HERPUD2: variants seen among roughly 807,000 people sequenced by gnomAD.
HERPUD2 encodes the protein homocysteine-responsive endoplasmic reticulum-resident ubiquitin-like domain member 2 protein.
A neutral mutation model predicts 49.9 loss-of-function variants in HERPUD2; 13 were observed. The ratio of observed to expected loss-of-function variants is 0.26; its 90% confidence interval spans 0.17 to 0.41. The LOEUF is 0.41. Ranked by LOEUF, HERPUD2 falls within the 10% of genes least tolerant of loss-of-function variation. The pLI, the probability that HERPUD2 is intolerant of heterozygous loss-of-function variation, is 1.00. For synonymous variants in HERPUD2, 172 were observed against 171.4 expected, an observed-to-expected ratio of 1.00 and a Z score of -0.03; for missense variants, 449 against 492.2, an observed-to-expected ratio of 0.91 and a Z score of 0.83.
In HERPUD2 at chr7:35,633,641, C is replaced by T. The variant is rs1343631084; in HGVS notation, c.*49G>A. The T allele has an allele frequency of 2.6e-6, 4 of 1,553,046 alleles. No individual in the cohort carries two copies. The Admixed American group carries it at 6.0e-5, about 23-fold the overall frequency. On this transcript the variant is annotated 3_prime_UTR_variant, in exon 9 of 9. Transcript: ENST00000311350. The stretch of plus-strand genomic sequence containing the variant: ...TTTTGAAATTGCACTGTTATTTAAA[C>T]CACTTTCCTGAAGTCAGACCCTCCT...
chr7:35,654,595 TAAAAAAAAAAA>T (rs57491123), intron 5 of HERPUD2, among the ~76,000 whole-genome samples: 8 of 120,896 alleles, frequency 6.6e-5, no homozygotes, highest in Non-Finnish European at 1.0e-4. Flanking sequence ...AATCAGTAAT[TAAAAAAAAAAA>T]AAAAAAAAAT....
At chr7:35,637,165 AGAT>A (rs753746335) in intron 6 of HERPUD2, among the ~76,000 whole-genome samples, 1,990 of 105,002 alleles carry the variant, frequency 0.019, 18 homozygotes, top group Middle Eastern at 0.042. Context: ...AAAGAAAGAT[AGAT>A]AGATAGATAG....
chr7:35,651,101 T>C (rs976486420), intron 5 of HERPUD2, among the ~76,000 whole-genome samples: 1 of 152,130 alleles, frequency 6.6e-6, no homozygotes, highest in Non-Finnish European at 1.5e-5. Context: ...ACCCAACCCA[T>C]TGCAGTCATC....
chr7:35,688,446 C>G (rs184388144), intron 2 of HERPUD2, among the ~76,000 whole-genome samples: 11 of 152,272 alleles, frequency 7.2e-5, no homozygotes, highest in African/African-American at 2.6e-4. Context: ...TATTCACACA[C>G]CAAGTGATGT....
intron 5 of HERPUD2, among the ~76,000 whole-genome samples, chr7:35,662,161 T>C (rs549464007): frequency 3.3e-5 from 5 of 152,236 alleles, no homozygotes; most frequent in Admixed American, 6.5e-5. Flanking sequence ...GTTCTGTTTA[T>C]AGGATGGATT....
At chr7:35,662,009 G>A (rs1284228784) in intron 5 of HERPUD2, among the ~76,000 whole-genome samples, 1 of 152,160 alleles carries the variant, frequency 6.6e-6, no homozygotes, top group African/African-American at 2.4e-5. Context: ...TTGGCTGTGG[G>A]TGTGTCATAA....
At position 35,633,456 on chromosome 7, in the gene HERPUD2, A is replaced by G. The variant is rs993410206; in HGVS notation, c.*234T>C. ...AATTGAAATGAGTAACACCTGGAAG[A>G]CCAATATTGTTACGCTATGTTCTGT... On this transcript the variant is annotated 3_prime_UTR_variant, in exon 9 of 9. Transcript: ENST00000311350. 3.2e-6 allele frequency: 1 copy of G among 312,762 alleles called. No homozygotes were observed. Among genetic ancestry groups the G allele is most frequent in the African/African-American group, 2.2e-5 (1 of 45,550 alleles). The allele number at this position is 312,762 out of a possible 1,614,324, so 19.4% of individuals were successfully genotyped here.
intron 6 of HERPUD2, among the ~76,000 whole-genome samples, chr7:35,635,960 A>T (rs1369157714): frequency 6.6e-6 from 1 of 152,214 alleles, no homozygotes; most frequent in Non-Finnish European, 1.5e-5. Flanking sequence ...TCCTAAATAC[A>T]TCTCAGATAA....
At chr7:35,694,023 C>A (rs1395486543) in intron 2 of HERPUD2, among the ~76,000 whole-genome samples, 161 bp downstream of exon 2, 2 of 152,044 alleles carry the variant, frequency 1.3e-5, no homozygotes, top group African/African-American at 2.4e-5. Flanking sequence ...AATGATGGTT[C>A]GAACACTCAG....
At chr7:35,651,806 A>C (rs1785174578) in intron 5 of HERPUD2, among the ~76,000 whole-genome samples, 1 of 136,278 alleles carries the variant, frequency 7.3e-6, no homozygotes, top group Admixed American at 7.4e-5. Flanking sequence ...ATTCAGATAA[A>C]CAATATAAAA....
At position 35,633,363 on chromosome 7, in the gene HERPUD2, C is replaced by T; in HGVS notation, c.*327G>A. 1 of 157,684 alleles carries T rather than the reference C, an allele frequency of 6.3e-6. No homozygotes were observed. Among genetic ancestry groups the T allele is most frequent in the Non-Finnish European group, 1.4e-5 (1 of 71,726 alleles). The allele number at this position is 157,684 out of a possible 1,614,324, so 9.8% of individuals were successfully genotyped here. A position where few individuals can be genotyped will look rare whatever the true frequency, so the allele number is the denominator to read the frequency against. On this transcript the variant is annotated 3_prime_UTR_variant, in exon 9 of 9. Coordinates refer to ENST00000311350, the MANE Select transcript of HERPUD2 (RefSeq NM_022373.5). ...GGATTACAGACGTGAGCCATGGCGC[C>T]CGGCCAATGAAGCAGCTCTTTAAAG...
chr7:35,660,412 C>G (rs929298767), intron 5 of HERPUD2, among the ~76,000 whole-genome samples: 12 of 152,178 alleles, frequency 7.9e-5, no homozygotes, highest in Admixed American at 7.2e-4. Flanking sequence ...ATGGCTGGGT[C>G]AAATGGTATT....
chr7:35,681,776 G>A (rs370744215), intron 2 of HERPUD2, among the ~76,000 whole-genome samples: 1 of 151,934 alleles, frequency 6.6e-6, no homozygotes, highest in East Asian at 1.9e-4. Flanking sequence ...TCTAGACTAT[G>A]CAAATCCATA....
rs570061003 is a variant in HERPUD2, at chr7:35,662,348, G to A, written c.494+5086C>T. On this transcript the variant is annotated intron_variant, in intron 5 of 8. Coordinates refer to ENST00000311350, the MANE Select transcript of HERPUD2 (RefSeq NM_022373.5). ...GTCTAAAATTCTCTTTTTTTGTTGT[G>A]TCTCTGCCAGGCTTTGGTATCAGGA... is the stretch of plus-strand genomic sequence containing the variant. Among the ~76,000 whole-genome samples, 23 of 152,166 alleles carry A rather than the reference G, an allele frequency of 1.5e-4. No individual in the cohort carries two copies. The East Asian group carries it at 4.2e-3, about 28-fold the overall frequency.
chr7:35,648,114 G>A (rs1344366937), intron 5 of HERPUD2, among the ~76,000 whole-genome samples: 1 of 151,974 alleles, frequency 6.6e-6, no homozygotes, highest in Non-Finnish European at 1.5e-5. Context: ...ACATTACCGA[G>A]AAAGTAAACT....
At chr7:35,667,164 A>G (rs1232153221) in intron 5 of HERPUD2, among the ~76,000 whole-genome samples, 3 of 152,166 alleles carry the variant, frequency 2.0e-5, no homozygotes, top group Non-Finnish European at 4.4e-5. Flanking sequence ...CATCATACCT[A>G]TTGAATACAA....
At position 35,634,443 on chromosome 7, in the gene HERPUD2, T is replaced by C; in HGVS notation, c.942-14A>G. 6.6e-7 allele frequency: 1 copy of C among 1,506,206 alleles called. No individual in the cohort carries two copies. The highest frequency in any genetic ancestry group is 9.2e-7 in the Non-Finnish European group (1 of 1,085,000). The allele number at this position is 1,506,206 out of a possible 1,614,324, so 93.3% of individuals were successfully genotyped here. On this transcript the variant is annotated splice_polypyrimidine_tract_variant and intron_variant, in intron 7 of 8. Transcript: ENST00000311350. The stretch of plus-strand genomic sequence containing the variant: ...CCAGCTTGGTGTCTGTTCAGTAAAA[T>C]AAAGAGAAAATAAAATAAGTCACAG...
rs556179751 is a variant in HERPUD2 at position 35,662,617 on chromosome 7, C to T, written c.494+4817G>A. Reference sequence around the variant, plus strand: ...TTTAGTCTTGGGAGGGTGTATGTGTCGAGGAATTTATCCATTTCTTCTAGA... The same window carrying T: ...TTTAGTCTTGGGAGGGTGTATGTGTTGAGGAATTTATCCATTTCTTCTAGA... On this transcript the variant is annotated intron_variant, in intron 5 of 8. Coordinates refer to ENST00000311350, the MANE Select transcript of HERPUD2 (RefSeq NM_022373.5). 3.1e-4 allele frequency among the ~76,000 whole-genome samples: 47 copies of T among 152,170 alleles called. 1 individual carries two copies. Among genetic ancestry groups the T allele is most frequent in the Admixed American group, 1.4e-3 (21 of 15,300 alleles).
chr7:35,685,147 A>T (rs1429923246), intron 2 of HERPUD2, among the ~76,000 whole-genome samples: 1 of 151,768 alleles, frequency 6.6e-6, no homozygotes, highest in Non-Finnish European at 1.5e-5. Flanking sequence ...AGGCTGGGGT[A>T]GGAGGATCAC....
Sources: gnomAD v4.1 joint callset for allele counts (sites outside exome capture counted in the v4.1 genomes callset) on GRCh38, gnomAD v4.1.1 for gene constraint, MANE v1.5 for transcripts, NCBI Gene and HGNC (gene_info 2026-07-23, HGNC 2026-07-21) for gene names.